The following TTC17 variants were observed in gnomAD, a reference collection of about 807,000 sequenced individuals.
TTC17 encodes tetratricopeptide repeat domain 17, also known as tetratricopeptide repeat protein 17.
In TTC17, 58 loss-of-function variants were observed where a neutral mutation model predicts 143.8. That is an observed-to-expected ratio of 0.40 (90% confidence interval 0.33 to 0.50). The LOEUF is 0.50. Among genes scored for constraint, TTC17 ranks in the 20% least tolerant of loss-of-function variants. The pLI is 0.49. For missense variants in TTC17, 1,273 were observed against 1,392.5 expected (o/e 0.91, Z 1.37); for synonymous variants, 501 against 497.8 (o/e 1.01, Z -0.09).
intron 1 of TTC17, among the ~76,000 whole-genome samples, chr11:43,370,782 AAG>A (rs10568686): frequency 0.037 from 5,481 of 149,522 alleles, 344 homozygotes; most frequent in African/African-American, 0.13. Context: ...CAGATAGTTA[AAG>A]AGAGGGGGCA....
At chr11:43,411,928 G>A (rs1271014357) in intron 15 of TTC17, among the ~76,000 whole-genome samples, 1 of 152,128 alleles carries the variant, frequency 6.6e-6, no homozygotes, top group African/African-American at 2.4e-5. Context: ...TCAAAAGCAG[G>A]TAATTGGATA....
intron 21 of TTC17, among the ~76,000 whole-genome samples, chr11:43,463,996 C>T (rs1202233276): frequency 3.3e-5 from 5 of 152,220 alleles, no homozygotes; most frequent in African/African-American, 7.2e-5. Flanking sequence ...ATCCATTCCA[C>T]GGGGCGTGGT....
intron 1 of TTC17, among the ~76,000 whole-genome samples, chr11:43,372,723 T>G (rs1018549059): frequency 3.3e-5 from 5 of 152,086 alleles, no homozygotes; most frequent in Non-Finnish European, 7.4e-5. Context: ...ACTCCTGACC[T>G]TAGGTGATCC....
intron 23 of TTC17, among the ~76,000 whole-genome samples, chr11:43,493,170 C>A (rs970146667): frequency 6.6e-6 from 1 of 152,216 alleles, no homozygotes; most frequent in Non-Finnish European, 1.5e-5. Flanking sequence ...TTGGGCTCTT[C>A]TTTTAGAGTG....
chr11:43,401,981 A>AAATAAATAAATG (rs1394219252), intron 10 of TTC17, among the ~76,000 whole-genome samples: 6 of 8,772 alleles, frequency 6.8e-4, no homozygotes. Context: ...GTGTCTCAAA[A>AAATAAATAAATG]AATAAATAAA....
chr11:43,400,820 T>G (rs1857820353), intron 9 of TTC17, among the ~76,000 whole-genome samples: 3 of 152,202 alleles, frequency 2.0e-5, no homozygotes, highest in African/African-American at 4.8e-5. Flanking sequence ...ATATCTAGAA[T>G]GTTTTGTTTC....
chr11:43,377,186 G>T (rs778500783), intron 1 of TTC17, among the ~76,000 whole-genome samples: 3 of 152,036 alleles, frequency 2.0e-5, no homozygotes, highest in African/African-American at 7.2e-5. Flanking sequence ...CCAGCTACTC[G>T]GGAGGCTAAG....
chr11:43,363,682 C>T (rs188181592), intron 1 of TTC17, among the ~76,000 whole-genome samples: 2 of 152,294 alleles, frequency 1.3e-5, no homozygotes, highest in South Asian at 2.1e-4. Flanking sequence ...TTATGTAGTA[C>T]AACTCCTAAG....
intron 1 of TTC17, among the ~76,000 whole-genome samples, chr11:43,365,457 C>T (rs1173021572): frequency 2.0e-5 from 3 of 151,794 alleles, no homozygotes; most frequent in Admixed American, 6.6e-5. Flanking sequence ...TTTGTAGAGA[C>T]GGGGTTTTGC....
intron 21 of TTC17, among the ~76,000 whole-genome samples, chr11:43,470,867 CT>C (rs1948078896): frequency 6.6e-6 from 1 of 152,162 alleles, no homozygotes; most frequent in South Asian, 2.1e-4. Context: ...AAACCAATGC[CT>C]TATTCAATGG....
intron 16 of TTC17, among the ~76,000 whole-genome samples, chr11:43,440,565 C>T (rs1400788647): frequency 2.0e-5 from 3 of 152,144 alleles, no homozygotes; most frequent in African/African-American, 7.2e-5. Flanking sequence ...TTTCCCTTTA[C>T]CTTAAGACAA....
In TTC17 at chr11:43,448,040, C is replaced by G; in HGVS notation, c.2704C>G (p.Pro902Ala). The change falls in exon 19 of 24, where the codon CCG (proline) becomes GCG (alanine). Residue 902 changes from proline (P) to alanine (A), a missense_variant. Pro to Ala is a conservative substitution (Grantham distance 27). Around this residue, in one of 3 missense-constraint regions of TTC17, gnomAD observed 878 missense variants for 899.8 expected, o/e 0.98. Transcript: ENST00000039989. ...RDYQRLGWPSPDECLKLRWVE... is the reference protein window; with the variant it reads ...RDYQRLGWPSADECLKLRWVE... Reference sequence around the variant, plus strand: ...CTACCAGCGTCTGGGATGGCCCAGCCCGGACGAATGCCTCAAACTCCGCTG... The same window carrying G: ...CTACCAGCGTCTGGGATGGCCCAGCGCGGACGAATGCCTCAAACTCCGCTG... 6.2e-7 allele frequency: 1 copy of G among 1,614,130 alleles called. No individual in the cohort carries two copies. The highest frequency in any genetic ancestry group is 8.5e-7 in the Non-Finnish European group (1 of 1,179,994).
chr11:43,434,676 T>C (rs145977334), intron 16 of TTC17, among the ~76,000 whole-genome samples: 15 of 152,360 alleles, frequency 9.8e-5, no homozygotes, highest in Admixed American at 9.8e-4. Context: ...TCAAAGCTTA[T>C]TCTCTGAAGC....
chr11:43,424,598 C>T, intron 16 of TTC17, among the ~76,000 whole-genome samples: 1 of 151,782 alleles, frequency 6.6e-6, no homozygotes, highest in African/African-American at 2.4e-5. Flanking sequence ...GGCGAAACCC[C>T]ATCTTTACTA....
intron 15 of TTC17, 103 bp from the exon 16 acceptor site, chr11:43,414,487 T>C (rs1384733793): frequency 1.7e-6 from 2 of 1,202,286 alleles, no homozygotes; most frequent in Non-Finnish European, 2.3e-6. Flanking sequence ...ATAACGTTTA[T>C]GGGGTAACCT....
chr11:43,359,227 A>T (rs1385383780), intron 1 of TTC17, 114 bp downstream of exon 1: 20 of 1,330,488 alleles, frequency 1.5e-5, no homozygotes, highest in East Asian at 1.2e-4. Context: ...CTACCCTCAC[A>T]GGGAGGTGGC....
At chr11:43,406,856 G>A (rs751143519) in intron 13 of TTC17, among the ~76,000 whole-genome samples, 1 of 151,972 alleles carries the variant, frequency 6.6e-6, no homozygotes, top group Non-Finnish European at 1.5e-5. Context: ...TTTCTTCTTG[G>A]GTTCTGAACA....
intron 16 of TTC17, among the ~76,000 whole-genome samples, chr11:43,420,062 A>G (rs1232694730): frequency 6.6e-6 from 1 of 152,210 alleles, no homozygotes; most frequent in East Asian, 1.9e-4. Flanking sequence ...TTGGTTAACA[A>G]ACAGTTTTTT....
In TTC17 at chr11:43,407,151, G is replaced by T; in HGVS notation, c.1775G>T (p.Arg592Leu). ...TTGATGTTTCAGATTTTGCTTTCCC[G>T]TATTAATAACTATACTATCCCAGAA... ...DDHARKILLS[R>L]INNYTIPEEE... The change falls in exon 14 of 24, where the codon CGT (arginine) becomes CTT (leucine). Residue 592 changes from arginine (R) to leucine (L), a missense_variant. Transcript: ENST00000039989. 1 of 1,582,732 alleles carries T rather than the reference G, an allele frequency of 6.3e-7. No individual in the cohort carries two copies. Among genetic ancestry groups the T allele is most frequent in the Admixed American group, 1.9e-5 (1 of 53,094 alleles).
Sources: allele counts gnomAD v4.1 joint callset (sites outside exome capture counted in the v4.1 genomes callset), GRCh38; gene constraint gnomAD v4.1.1; regional missense constraint gnomAD v4.1.1; transcripts MANE v1.5; gene names NCBI Gene and HGNC (gene_info 2026-07-23, HGNC 2026-07-21).